Variants in AEBP2 observed in about 807,000 individuals in gnomAD.
AEBP2 encodes the protein zinc finger protein AEBP2.
Under a neutral mutation model 50.8 loss-of-function variants are expected in AEBP2, and 10 were observed. The ratio of observed to expected loss-of-function variants is 0.20; its 90% CI spans 0.12 to 0.33. AEBP2 has a LOEUF of 0.33. Ranked by LOEUF, AEBP2 falls within the 10% of genes least tolerant of loss-of-function variation. AEBP2 has a pLI of 1.00. For missense variants in AEBP2, 570 were observed against 688.0 expected (o/e 0.83, Z 1.92); for synonymous variants, 296 against 261.3 (o/e 1.13, Z -1.28).
intron 1 of AEBP2, among the ~76,000 whole-genome samples, chr12:19,450,937 A>G (rs553057889): frequency 6.6e-6 from 1 of 151,636 alleles, no homozygotes; most frequent in African/African-American, 2.4e-5. Context: ...ATTATTTCTT[A>G]AATCAGTAAT....
chr12:19,456,691 C>A (rs764680564), intron 1 of AEBP2: 31 of 1,575,978 alleles, frequency 2.0e-5, no homozygotes, highest in Non-Finnish European at 2.6e-5. Flanking sequence ...TTGACAGACA[C>A]ATTCTTGACA....
chr12:19,466,868 A>G (rs1307714423), intron 2 of AEBP2: 3 of 875,376 alleles, frequency 3.4e-6, no homozygotes, highest in Non-Finnish European at 2.7e-6. Flanking sequence ...AGCAAGATCT[A>G]AACTATATTA....
intron 1 of AEBP2, chr12:19,456,859 T>TA: frequency 2.0e-6 from 3 of 1,521,450 alleles, no homozygotes; most frequent in African/African-American, 1.4e-5. Flanking sequence ...ACAGTACCAA[T>TA]ACCACCAATT....
chr12:19,518,775 TG>T lies in AEBP2; in HGVS notation c.*659del. On this transcript the variant is annotated 3_prime_UTR_variant, in exon 8 of 8. Coordinates refer to ENST00000266508, the MANE Select transcript of AEBP2 (RefSeq NM_153207.5). ...CTATCGAATTAGGGCTGAAAATTAC[TG>T]TTAAAGAGTGTTGCAGTATGTCTGG... 1 of 1,427,948 alleles carries T rather than the reference TG, an allele frequency of 7.0e-7. No individual in the cohort carries two copies. 88.5% of individuals were successfully genotyped at this position (1,427,948 alleles called of 1,614,324 possible).
intron 7 of AEBP2, among the ~76,000 whole-genome samples, chr12:19,516,228 C>T (rs370036865): frequency 1.1e-3 from 173 of 152,248 alleles, no homozygotes; most frequent in Admixed American, 2.2e-3. Context: ...TTACGAGTTA[C>T]TTCTCTATAA....
rs1315509997 is a variant in AEBP2, at chr12:19,520,386, CTCAA to C, written c.*2277_*2280del. ...GTGATCCTTGATTAACTTCTGAGTA[CTCAA>C]TCAATCATAATCCTTTTGCTGCTTA... On this transcript the variant is annotated 3_prime_UTR_variant, in exon 8 of 8. Coordinates refer to ENST00000266508, the MANE Select transcript of AEBP2 (RefSeq NM_153207.5). The C allele has an allele frequency of 2.0e-5, 3 of 152,122 alleles. No individual in the cohort carries two copies. The highest frequency in any genetic ancestry group is 1.9e-4 in the East Asian group (1 of 5,194). 9.4% of individuals were successfully genotyped at this position (152,122 alleles called of 1,614,324 possible). A position where few individuals can be genotyped will look rare whatever the true frequency, so the allele number is the denominator to read the frequency against.
chr12:19,501,797 G>GTTTTTTTTTTTTTTTTTTTTTTTTTT lies in AEBP2; in HGVS notation c.1299+1596_1299+1597insTTTTTTTTTTTTTTTTTTTTTTTTTT, dbSNP rs754195220. ...CGTCGTCTCCTATAAAAATGAGTTTGTTTTTTTTTTTTTTTTTTTTGCATT... is the reference window on the plus strand; with the variant it reads ...CGTCGTCTCCTATAAAAATGAGTTTGTTTTTTTTTTTTTTTTTTTTTTTTTTTTTTTTTTTTTTTTTTTTTTGCATT... On this transcript the variant is annotated intron_variant, in intron 5 of 7. Coordinates refer to ENST00000266508, the MANE Select transcript of AEBP2 (RefSeq NM_153207.5). 1.1e-3 allele frequency among the ~76,000 whole-genome samples: 80 copies of GTTTTTTTTTTTTTTTTTTTTTTTTTT among 70,908 alleles called. 2 individuals carry two copies. The highest frequency in any genetic ancestry group is 1.5e-3 in the Non-Finnish European group (54 of 37,164). The allele number at this position is 70,908 out of a possible 152,430, so 46.5% of individuals were successfully genotyped here. A position where few individuals can be genotyped will look rare whatever the true frequency, so the allele number is the denominator to read the frequency against.
intron 1 of AEBP2, among the ~76,000 whole-genome samples, chr12:19,421,355 A>C (rs981845071): frequency 2.2e-4 from 34 of 151,452 alleles, no homozygotes; most frequent in South Asian, 6.3e-4. Flanking sequence ...AAAAAAAAAA[A>C]AAAAAAAAAA....
intron 4 of AEBP2, among the ~76,000 whole-genome samples, chr12:19,497,972 G>A (rs1949013206): frequency 6.6e-6 from 1 of 152,198 alleles, no homozygotes; most frequent in Admixed American, 6.5e-5. Flanking sequence ...AATGGATCAT[G>A]ACACACACCT....
intron 1 of AEBP2, among the ~76,000 whole-genome samples, chr12:19,451,523 C>T (rs917316386): frequency 6.6e-6 from 1 of 152,138 alleles, no homozygotes; most frequent in African/African-American, 2.4e-5. Flanking sequence ...CAGGCTGAAA[C>T]TGTGTTCCCT....
At chr12:19,479,897 A>G (rs1948702889) in intron 3 of AEBP2, among the ~76,000 whole-genome samples, 4 of 151,954 alleles carry the variant, frequency 2.6e-5, no homozygotes, top group African/African-American at 7.3e-5. Context: ...TCTTGAAGAC[A>G]GCAGATACTT....
Position 19,522,071 on chromosome 12 carries a change from T to A in AEBP2, c.*3954T>A, listed in dbSNP as rs1949406233. On this transcript the variant is annotated 3_prime_UTR_variant, in exon 8 of 8. Transcript: ENST00000266508. ...GAGTTAAATCGTGTCACCTGAATTT[T>A]TTTTTTTTGAGATAAGTGGACATTT... The A allele has an allele frequency of 6.6e-6, 1 of 152,092 alleles. No homozygotes were observed. Among genetic ancestry groups the A allele is most frequent in the African/African-American group, 2.4e-5 (1 of 41,450 alleles). 9.4% of individuals were successfully genotyped at this position (152,092 alleles called of 1,614,324 possible).
At chr12:19,513,941 ATTTC>A (rs1565739412) in intron 6 of AEBP2, among the ~76,000 whole-genome samples, 1 of 70,618 alleles carries the variant, frequency 1.4e-5, no homozygotes, top group Admixed American at 1.4e-4. Context: ...GTTTTTATTT[ATTTC>A]TTTTTTTTTT....
At chr12:19,497,179 A>T (rs886820833) in intron 4 of AEBP2, among the ~76,000 whole-genome samples, 1 of 151,750 alleles carries the variant, frequency 6.6e-6, no homozygotes, top group African/African-American at 2.4e-5. Context: ...TCATGGACCC[A>T]AAATTCTTAA....
intron 3 of AEBP2, among the ~76,000 whole-genome samples, chr12:19,476,165 A>G (rs1286789523): frequency 6.6e-6 from 1 of 152,096 alleles, no homozygotes; most frequent in Non-Finnish European, 1.5e-5. Flanking sequence ...AGTTTTTCCA[A>G]TGTTATCTTC....
At chr12:19,501,793 GTTTGT>G (rs1949081855) in intron 5 of AEBP2, among the ~76,000 whole-genome samples, 1 of 35,180 alleles carries the variant, frequency 2.8e-5, no homozygotes, top group South Asian at 1.1e-3. Flanking sequence ...ATAAAAATGA[GTTTGT>G]TTTTTTTTTT....
At chr12:19,513,635 C>T (rs907720211) in intron 6 of AEBP2, among the ~76,000 whole-genome samples, 3 of 151,954 alleles carry the variant, frequency 2.0e-5, no homozygotes, top group South Asian at 2.1e-4. Context: ...GTGATGGTGT[C>T]GCCTGTAGTC....
intron 2 of AEBP2, among the ~76,000 whole-genome samples, chr12:19,470,042 T>C (rs1163697436): frequency 6.6e-6 from 1 of 152,218 alleles, no homozygotes; most frequent in Non-Finnish European, 1.5e-5. Flanking sequence ...AAGTCTCAGA[T>C]TTGAAGAAGA....
chr12:19,462,421 CAA>C (rs1187074137), intron 1 of AEBP2, 87 bp from the exon 2 acceptor site: 1 of 1,090,996 alleles, frequency 9.2e-7, no homozygotes. Context: ...AGCAGAATGT[CAA>C]GTGGTAATCT....
Sources: gnomAD v4.1 joint callset for allele counts (sites outside exome capture counted in the v4.1 genomes callset) on GRCh38, gnomAD v4.1.1 for gene constraint, MANE v1.5 for transcripts, NCBI Gene and HGNC (gene_info 2026-07-23, HGNC 2026-07-21) for gene names.